The following NEK5 variants were observed in gnomAD, a reference collection of about 807,000 sequenced individuals.
NEK5 encodes the protein NIMA related kinase 5, also known as serine/threonine-protein kinase Nek5.
Under a neutral mutation model 109.2 loss-of-function variants are expected in NEK5, and 88 were observed. The ratio of observed to expected loss-of-function variants is 0.81; its 90% CI spans 0.68 to 0.96. NEK5 has a LOEUF of 0.96. Ranked by LOEUF, NEK5 falls within the 40% of genes least tolerant of loss-of-function variation. The pLI is 0.00. For missense variants in NEK5, 834 were observed against 920.7 expected (o/e 0.91, Z 1.22); for synonymous variants, 283 against 299.9 (o/e 0.94, Z 0.58).
intron 22 of NEK5, among the ~76,000 whole-genome samples, chr13:52,053,580 A>C (rs969380849): frequency 6.6e-6 from 1 of 151,818 alleles, no homozygotes; most frequent in Admixed American, 6.7e-5. Flanking sequence ...CAGAGATTGA[A>C]TCTTGAGACA....
At chr13:52,101,403 A>C (rs1366611854) in intron 11 of NEK5, among the ~76,000 whole-genome samples, 1 of 150,038 alleles carries the variant, frequency 6.7e-6, no homozygotes, top group African/African-American at 2.4e-5. Flanking sequence ...CCGTCTCGGA[A>C]AAAAAAAAAA....
At chr13:52,121,430 G>T (rs1015447317) in intron 3 of NEK5, among the ~76,000 whole-genome samples, 2 of 152,116 alleles carry the variant, frequency 1.3e-5, no homozygotes, top group African/African-American at 4.8e-5. Flanking sequence ...AAAGTGCTGG[G>T]ATTACAGGCA....
chr13:52,128,564 G>A (rs115445110), intron 1 of NEK5, among the ~76,000 whole-genome samples: 2,342 of 152,174 alleles, frequency 0.015, 72 homozygotes, highest in Admixed American at 0.081. Context: ...ATAATTTTAC[G>A]TCAGGGTGGG....
At chr13:52,069,789 T>C (rs1954756232) in intron 20 of NEK5, among the ~76,000 whole-genome samples, 1 of 152,204 alleles carries the variant, frequency 6.6e-6, no homozygotes, top group South Asian at 2.1e-4. Context: ...TTGCCCTCCA[T>C]GCCATCCTTT....
intron 4 of NEK5, among the ~76,000 whole-genome samples, chr13:52,114,180 T>A (rs1205099802): frequency 6.6e-6 from 1 of 152,174 alleles, no homozygotes. Flanking sequence ...ACCTAAACAG[T>A]AGTTAGCACA....
rs139560282 is a variant in NEK5, at chr13:52,052,209, T to C, written c.2111-1988A>G. On this transcript the variant is annotated intron_variant, in intron 22 of 23. Transcript: ENST00000684899. ...CCCTAAAATGTATAAAAGCAAACTG[T>C]ACCCTGACCACCTTGGACACATGTC... 3.4e-3 allele frequency among the ~76,000 whole-genome samples: 513 copies of C among 151,712 alleles called. 3 individuals are homozygous for C. The highest frequency in any genetic ancestry group is 0.012 in the African/African-American group (488 of 41,374).
intron 22 of NEK5, among the ~76,000 whole-genome samples, chr13:52,057,360 A>G (rs1259924382): frequency 2.6e-5 from 4 of 151,402 alleles, no homozygotes; most frequent in Non-Finnish European, 5.9e-5. Flanking sequence ...GCCGAATTCT[A>G]CCAGAGGTAC....
intron 23 of NEK5, among the ~76,000 whole-genome samples, chr13:52,048,387 C>T (rs555016965): frequency 2.0e-5 from 3 of 152,168 alleles, no homozygotes; most frequent in African/African-American, 7.2e-5. Flanking sequence ...GCCTGAACAA[C>T]ACTGTGAGAC....
chr13:52,051,382 C>T (rs1018257908), intron 22 of NEK5, among the ~76,000 whole-genome samples: 2 of 152,156 alleles, frequency 1.3e-5, no homozygotes, highest in African/African-American at 4.8e-5. Flanking sequence ...CAGGAGACTT[C>T]TAATGACTCT....
chr13:52,060,079 A>G (rs896313000), intron 22 of NEK5, among the ~76,000 whole-genome samples: 6 of 152,168 alleles, frequency 3.9e-5, no homozygotes, highest in African/African-American at 1.4e-4. Flanking sequence ...AAGCTAAATT[A>G]AATGATAGGT....
chr13:52,068,467 A>ACACC (rs1954726468), intron 20 of NEK5, among the ~76,000 whole-genome samples: 1 of 634 alleles, frequency 1.6e-3, no homozygotes, highest in African/African-American at 1.8e-3. Context: ...ATACACAAAT[A>ACACC]CACACACACA....
At chr13:52,038,488 G>T (rs569870403) in intron 23 of NEK5, among the ~76,000 whole-genome samples, 41 of 152,314 alleles carry the variant, frequency 2.7e-4, no homozygotes, top group African/African-American at 9.6e-4. Flanking sequence ...ACTGTTGAAA[G>T]AATATTTCAG....
intron 5 of NEK5, among the ~76,000 whole-genome samples, chr13:52,110,929 T>C (rs1955747352): frequency 6.6e-6 from 1 of 152,136 alleles, no homozygotes; most frequent in Non-Finnish European, 1.5e-5. Context: ...TCGTGAATAG[T>C]ACACAAGCAG....
chr13:52,068,869 G>A (rs1954735339), intron 20 of NEK5, among the ~76,000 whole-genome samples: 1 of 152,012 alleles, frequency 6.6e-6, no homozygotes. Flanking sequence ...ACTCAGGGAG[G>A]CTGAGGCAGG....
intron 4 of NEK5, among the ~76,000 whole-genome samples, chr13:52,114,423 G>T (rs1304140664): frequency 1.3e-5 from 2 of 152,212 alleles, no homozygotes; most frequent in African/African-American, 4.8e-5. Context: ...TAACCTGGCA[G>T]TGTCTACCCT....
At chr13:52,082,126 G>T in intron 17 of NEK5, 1 of 210,886 alleles carries the variant, frequency 4.7e-6, no homozygotes, top group Non-Finnish European at 9.6e-6. Context: ...GACCAGCCTG[G>T]CCAACATGGT....
At chr13:52,079,498 C>T (rs953912283) in intron 17 of NEK5, among the ~76,000 whole-genome samples, 2 of 152,268 alleles carry the variant, frequency 1.3e-5, no homozygotes, top group Non-Finnish European at 2.9e-5. Context: ...GACGGGGTTT[C>T]GCTGTGTTGG....
At chr13:52,110,442 G>C in intron 6 of NEK5, 32 bp from the exon 7 acceptor site, 14 of 1,602,462 alleles carry the variant, frequency 8.7e-6, no homozygotes, top group Non-Finnish European at 1.1e-5. Flanking sequence ...TGTTGTTTGA[G>C]GTACTTCAAG....
chr13:52,053,762 C>A (rs1954528532), intron 22 of NEK5, among the ~76,000 whole-genome samples: 1 of 152,212 alleles, frequency 6.6e-6, no homozygotes, highest in Non-Finnish European at 1.5e-5. Flanking sequence ...CACATACCCT[C>A]CATACCAAAC....
Sources: gnomAD v4.1 joint callset for allele counts (sites outside exome capture counted in the v4.1 genomes callset) on GRCh38, gnomAD v4.1.1 for gene constraint, MANE v1.5 for transcripts, NCBI Gene and HGNC (gene_info 2026-07-23, HGNC 2026-07-21) for gene names.